ASIC2: variants seen among roughly 807,000 people sequenced by gnomAD.
The protein encoded by ASIC2 is acid sensing ion channel subunit 2.
ASIC2 carries 25 observed loss-of-function variants against 57.3 expected under a neutral mutation model. The observed-to-expected ratio is 0.44, with a 90% CI of 0.32 to 0.61. The LOEUF is 0.61. ASIC2 is among the 20% of genes least tolerant of loss of function. The pLI is 0.06. For synonymous variants in ASIC2, 319 were observed against 307.5 expected (o/e 1.04, Z -0.39); for missense variants, 641 against 738.1 (o/e 0.87, Z 1.52).
chr17:33,108,401 C>T (rs866033625), intron 2 of ASIC2, among the ~76,000 whole-genome samples: 36 of 152,298 alleles, frequency 2.4e-4, no homozygotes, highest in South Asian at 6.2e-4. Context: ...GAGATGGCAT[C>T]TGTGGGGCCG....
chr17:33,945,596 T>A (rs1008148466), intron 1 of ASIC2, among the ~76,000 whole-genome samples: 52 of 152,278 alleles, frequency 3.4e-4, no homozygotes, highest in African/African-American at 1.2e-3. Flanking sequence ...AGATCAAGAA[T>A]GCCTTCTGAG....
intron 1 of ASIC2, among the ~76,000 whole-genome samples, chr17:33,425,560 G>A (rs1911190026): frequency 6.6e-6 from 1 of 152,158 alleles, no homozygotes; most frequent in Non-Finnish European, 1.5e-5. Flanking sequence ...GGGATTGATT[G>A]CAGCTACAGG....
chr17:33,026,025 A>T (rs375769825), intron 4 of ASIC2, 43 bp from the exon 5 acceptor site: 2 of 1,604,430 alleles, frequency 1.2e-6, no homozygotes, highest in Non-Finnish European at 1.7e-6. Flanking sequence ...AGGCAGGAAC[A>T]TTCATGTCAG....
chr17:33,416,565 C>T (rs1910848057), intron 1 of ASIC2, among the ~76,000 whole-genome samples: 1 of 152,212 alleles, frequency 6.6e-6, no homozygotes, highest in South Asian at 2.1e-4. Context: ...CTAACCAGGG[C>T]AGGTGCTTGT....
chr17:34,130,414 A>C (rs1413947281), intron 1 of ASIC2, among the ~76,000 whole-genome samples: 1 of 152,246 alleles, frequency 6.6e-6, no homozygotes, highest in African/African-American at 2.4e-5. Context: ...GGATATGGGC[A>C]AGGGCTCAAA....
chr17:34,150,879 C>A (rs185609215), intron 1 of ASIC2, among the ~76,000 whole-genome samples: 52 of 152,140 alleles, frequency 3.4e-4, no homozygotes, highest in African/African-American at 1.2e-3. Flanking sequence ...CTTTGGGAGG[C>A]CAAGGTGGGC....
intron 1 of ASIC2, among the ~76,000 whole-genome samples, chr17:33,304,445 A>T (rs527824766): frequency 2.6e-5 from 4 of 152,212 alleles, no homozygotes; most frequent in Non-Finnish European, 5.9e-5. Context: ...TTCTGTCTCT[A>T]TAAAGTGTTC....
chr17:33,283,439 G>A (rs374794314), intron 1 of ASIC2, among the ~76,000 whole-genome samples: 6 of 152,138 alleles, frequency 3.9e-5, no homozygotes, highest in Admixed American at 6.5e-5. Context: ...CTAGTAACCC[G>A]GACATGCTCA....
intron 1 of ASIC2, among the ~76,000 whole-genome samples, chr17:33,769,637 A>T (rs1911037237): frequency 1.3e-5 from 2 of 152,192 alleles, no homozygotes; most frequent in Admixed American, 1.3e-4. Context: ...TTCATGTGTC[A>T]CCTTAGCCTA....
chr17:33,155,170 G>A (rs1227152993), intron 1 of ASIC2, among the ~76,000 whole-genome samples: 2 of 152,264 alleles, frequency 1.3e-5, no homozygotes, highest in Non-Finnish European at 2.9e-5. Flanking sequence ...GCATCGAGGA[G>A]CCCAGCGCCC....
At chr17:33,798,632 T>C (rs1911991583) in intron 1 of ASIC2, among the ~76,000 whole-genome samples, 1 of 152,174 alleles carries the variant, frequency 6.6e-6, no homozygotes, top group Non-Finnish European at 1.5e-5. Flanking sequence ...TCTGTGCCGA[T>C]GGAGGAAATC....
intron 1 of ASIC2, among the ~76,000 whole-genome samples, chr17:33,342,014 T>C (rs1223087472): frequency 6.6e-6 from 1 of 152,130 alleles, no homozygotes; most frequent in Non-Finnish European, 1.5e-5. Flanking sequence ...TCAAGAATAA[T>C]TACAGAGCAG....
chr17:33,748,057 G>A (rs1910319999), intron 1 of ASIC2, among the ~76,000 whole-genome samples: 1 of 152,270 alleles, frequency 6.6e-6, no homozygotes, highest in Non-Finnish European at 1.5e-5. Flanking sequence ...CGAAGGTTAA[G>A]CGACTTGCTA....
chr17:33,519,081 A>G (rs1215734683), intron 1 of ASIC2, among the ~76,000 whole-genome samples: 2 of 152,070 alleles, frequency 1.3e-5, no homozygotes, highest in East Asian at 1.9e-4. Flanking sequence ...CGGCCTCCCA[A>G]AGTGCTGGGA....
At chr17:33,661,581 A>C (rs1182287138) in intron 1 of ASIC2, among the ~76,000 whole-genome samples, 2 of 152,352 alleles carry the variant, frequency 1.3e-5, no homozygotes, top group East Asian at 3.9e-4. Context: ...TCCTTCCTTC[A>C]GAACCTCAAG....
At chr17:33,479,432 G>T (rs1163695868) in intron 1 of ASIC2, among the ~76,000 whole-genome samples, 1 of 152,178 alleles carries the variant, frequency 6.6e-6, no homozygotes, top group African/African-American at 2.4e-5. Context: ...GGCCATGTGT[G>T]GCCCCAGTCT....
At chr17:33,273,396 G>C (rs1904583159) in intron 1 of ASIC2, among the ~76,000 whole-genome samples, 1 of 152,134 alleles carries the variant, frequency 6.6e-6, no homozygotes, top group East Asian at 1.9e-4. Context: ...CCCTGATATA[G>C]GGTTGTTACT....
At chr17:33,137,149 A>T (rs1357369239) in intron 1 of ASIC2, among the ~76,000 whole-genome samples, 1 of 152,204 alleles carries the variant, frequency 6.6e-6, no homozygotes, top group African/African-American at 2.4e-5. Context: ...CTCACATCTG[A>T]TTCCTTGCAT....
intron 1 of ASIC2, among the ~76,000 whole-genome samples, chr17:33,525,257 G>A (rs1425745972): frequency 2.0e-5 from 3 of 152,202 alleles, no homozygotes; most frequent in African/African-American, 7.2e-5. Context: ...AGGTCTTTCT[G>A]AGTAGGGCGG....
Sources: gnomAD v4.1 joint callset for allele counts (sites outside exome capture counted in the v4.1 genomes callset) on GRCh38, gnomAD v4.1.1 for gene constraint, MANE v1.5 for transcripts, NCBI Gene and HGNC (gene_info 2026-07-23, HGNC 2026-07-21) for gene names.